Variants in MACO1 observed in about 807,000 individuals in gnomAD.
The protein encoded by MACO1 is macoilin 1.
MACO1 carries 14 observed loss-of-function variants against 78.7 expected under a neutral mutation model. The observed-to-expected ratio is 0.18, with a 90% CI of 0.12 to 0.28. MACO1 has a LOEUF of 0.28. Among genes scored for constraint, MACO1 ranks in the 10% least tolerant of loss-of-function variants. MACO1 has a pLI of 1.00. For missense variants in MACO1, 501 were observed against 799.0 expected (o/e 0.63, Z 4.50); for synonymous variants, 288 against 291.6 (o/e 0.99, Z 0.12).
At chr1:25,491,874 G>C (rs148961256) in intron 10 of MACO1, among the ~76,000 whole-genome samples, 2 of 152,212 alleles carry the variant, frequency 1.3e-5, no homozygotes. Context: ...GCATCAAAAG[G>C]TGCTTAGGTA....
intron 1 of MACO1, among the ~76,000 whole-genome samples, chr1:25,435,877 A>C (rs1395361628): frequency 6.6e-6 from 1 of 152,196 alleles, no homozygotes; most frequent in Non-Finnish European, 1.5e-5. Context: ...AAAATCGGCC[A>C]CACTGGGATG....
chr1:25,435,731 G>T (rs890214990), intron 1 of MACO1, among the ~76,000 whole-genome samples: 12 of 152,212 alleles, frequency 7.9e-5, no homozygotes, highest in African/African-American at 2.9e-4. Flanking sequence ...CCTGGACCTG[G>T]CACGAAAGTG....
chr1:25,456,894 A>G (rs1392501218), intron 5 of MACO1, 63 bp downstream of exon 5: 2 of 1,504,302 alleles, frequency 1.3e-6, no homozygotes, highest in South Asian at 1.4e-5. Flanking sequence ...TCTTGGTAGA[A>G]TTTTCTTTTC....
chr1:25,458,408 G>C lies in MACO1; in HGVS notation c.670G>C (p.Asp224His). The C allele has an allele frequency of 1.3e-6, 2 of 1,595,088 alleles. No individual in the cohort carries two copies. Among genetic ancestry groups the C allele is most frequent in the Non-Finnish European group, 1.7e-6 (2 of 1,174,412 alleles). ...TATTGTAGCAGCCAAAGGATTACCT[G>C]ATATGGATTCTTCGATCCTTATACA... The part of the protein sequence containing the change: ...EAEEAAKGLP[D>H]MDSSILIHHN... The change falls in exon 6 of 11, where the codon GAT (aspartate) becomes CAT (histidine). Residue 224 changes from aspartate (D) to histidine (H), a missense_variant. This residue lies in a region of MACO1 where 171 missense variants were observed against 292.1 expected (regional missense o/e 0.59). Coordinates refer to ENST00000374343, the MANE Select transcript of MACO1 (RefSeq NM_018202.6).
chr1:25,447,476 T>G (rs1316278170), intron 2 of MACO1, among the ~76,000 whole-genome samples: 1 of 152,228 alleles, frequency 6.6e-6, no homozygotes, highest in African/African-American at 2.4e-5. Context: ...AATAAGCCCA[T>G]TACACGTTAA....
At chr1:25,438,066 T>C (rs2042935248) in intron 1 of MACO1, among the ~76,000 whole-genome samples, 1 of 152,166 alleles carries the variant, frequency 6.6e-6, no homozygotes, top group South Asian at 2.1e-4. Flanking sequence ...CACGGTTTTG[T>C]AGTATAACAT....
At position 25,458,513 on chromosome 1, in the gene MACO1, A is replaced by G. The variant is rs757580835; in HGVS notation, c.775A>G (p.Lys259Glu). The change falls in exon 6 of 11, where the codon AAG (lysine) becomes GAG (glutamate). Residue 259 changes from lysine (K) to glutamate (E), a missense_variant. By Grantham distance (56) the Lys-to-Glu change is moderately conservative. Transcript: ENST00000374343. ...EIEYREKGKE[K>E]DKDAKKHNLG... is the part of the protein sequence containing the mutation. ...AGAATACCGAGAAAAAGGGAAAGAA[A>G]AGGACAAGGATGCCAAAAAACACAA... 6.2e-7 allele frequency: 1 copy of G among 1,614,142 alleles called. No individual in the cohort carries two copies. The highest frequency in any genetic ancestry group is 1.1e-5 in the South Asian group (1 of 91,084).
At chr1:25,461,023 A>G (rs185858635) in intron 6 of MACO1, among the ~76,000 whole-genome samples, 34 of 152,224 alleles carry the variant, frequency 2.2e-4, no homozygotes, top group African/African-American at 7.0e-4. Context: ...ATGGAATACT[A>G]TGCAGCCATA....
chr1:25,446,933 G>A (rs2043020214), intron 2 of MACO1, 30 bp downstream of exon 2: 2 of 1,602,072 alleles, frequency 1.2e-6, no homozygotes, highest in Non-Finnish European at 1.7e-6. Context: ...TTTTCCATGT[G>A]TGGGGACCAT....
At chr1:25,488,876 G>A (rs1007473120) in intron 8 of MACO1, among the ~76,000 whole-genome samples, 4 of 152,056 alleles carry the variant, frequency 2.6e-5, no homozygotes, top group Non-Finnish European at 5.9e-5. Context: ...GGAGTGCAGT[G>A]GCACGATCTG....
chr1:25,450,069 A>G (rs111836774), intron 3 of MACO1, among the ~76,000 whole-genome samples: 5 of 152,288 alleles, frequency 3.3e-5, no homozygotes, highest in African/African-American at 1.2e-4. Flanking sequence ...TAAGGGCCCT[A>G]CCAGACCATC....
intron 2 of MACO1, among the ~76,000 whole-genome samples, chr1:25,448,163 T>G (rs2124577441): frequency 6.6e-6 from 1 of 152,122 alleles, no homozygotes; most frequent in South Asian, 2.1e-4. Flanking sequence ...TTTTCTGTAT[T>G]AAAATTCTAG....
intron 6 of MACO1, among the ~76,000 whole-genome samples, chr1:25,464,165 A>C (rs1311859101): frequency 6.6e-6 from 1 of 151,124 alleles, no homozygotes; most frequent in African/African-American, 2.4e-5. Flanking sequence ...ATCCATCCCT[A>C]CCCTCCCCTG....
At position 25,448,903 on chromosome 1, in the gene MACO1, A is replaced by G. The variant is rs371943670; in HGVS notation, c.318A>G (p.Thr106=). ...AGTGGCTTTTTTTTGCTGCTAGCAC[A>G]TATGTATGGGTTCAGTACGTATGGC... The part of the protein sequence containing the change: ...PIQWLFFAAS[T]YVWVQYVWHT... The change falls in exon 3 of 11, where the codon ACA becomes ACG. Residue 106 remains threonine, a synonymous_variant. Transcript: ENST00000374343. The G allele has an allele frequency of 8.8e-5, 136 of 1,543,738 alleles. No individual in the cohort carries two copies. The highest frequency in any genetic ancestry group is 1.2e-4 in the Non-Finnish European group (135 of 1,131,748).
chr1:25,454,468 G>GTATATATATATATA lies in MACO1; in HGVS notation c.473+87_473+88insATATATATATATAT, dbSNP rs1331624529. The GTATATATATATATA allele has an allele frequency of 2.0e-3, 306 of 152,930 alleles. 1 individual carries two copies. Among genetic ancestry groups the GTATATATATATATA allele is most frequent in the South Asian group, 0.012 (25 of 2,142 alleles). The allele number at this position is 152,930 out of a possible 1,614,324, so 9.5% of individuals were successfully genotyped here. On this transcript the variant is annotated intron_variant, in intron 4 of 10. Coordinates refer to ENST00000374343, the MANE Select transcript of MACO1 (RefSeq NM_018202.6). ...TGTGTGTGTGTGTGTGTGTGTGTGT[G>GTATATATATATATA]TGTATATATATATATATATATTTTT...
At chr1:25,477,559 CA>C (rs2043333136) in intron 6 of MACO1, among the ~76,000 whole-genome samples, 1 of 152,190 alleles carries the variant, frequency 6.6e-6, no homozygotes, top group Admixed American at 6.5e-5. Flanking sequence ...TCATGGGGTC[CA>C]ACCTGCAGCC....
intron 1 of MACO1, among the ~76,000 whole-genome samples, chr1:25,443,938 C>CTT (rs372000457): frequency 1.4e-5 from 2 of 143,954 alleles, no homozygotes; most frequent in South Asian, 2.2e-4. Flanking sequence ...TTTCCATGCC[C>CTT]TTTTTTTTTT....
In MACO1 at chr1:25,493,200, T is replaced by G. The variant is rs566158092; in HGVS notation, c.1792+1616T>G. Among the ~76,000 whole-genome samples the G allele has an allele frequency of 1.0e-3, 155 of 152,300 alleles. 2 individuals carry two copies. The highest frequency in any genetic ancestry group is 3.0e-3 in the African/African-American group (125 of 41,562). ...AGAGGTTTATTTCAAGTGGATTATA[T>G]CTATCAATATTTACCTACTAGAAAT... On this transcript the variant is annotated intron_variant, in intron 10 of 10. Coordinates refer to ENST00000374343, the MANE Select transcript of MACO1 (RefSeq NM_018202.6).
In MACO1 at chr1:25,431,198, C is replaced by G; in HGVS notation, c.80+20C>G. Reference sequence around the variant, plus strand: ...CGGCAGGTGAGCGGCTGCACCCCCACTCCGCGGGCGCGGGCCCTGCGGTCC... The same window carrying G: ...CGGCAGGTGAGCGGCTGCACCCCCAGTCCGCGGGCGCGGGCCCTGCGGTCC... On this transcript the variant is annotated intron_variant, in intron 1 of 10. Transcript: ENST00000374343. 2 of 1,576,358 alleles carry G rather than the reference C, an allele frequency of 1.3e-6. No homozygotes were observed. Among genetic ancestry groups the G allele is most frequent in the Non-Finnish European group, 1.7e-6 (2 of 1,165,424 alleles).
Sources: allele counts gnomAD v4.1 joint callset (sites outside exome capture counted in the v4.1 genomes callset), GRCh38; gene constraint gnomAD v4.1.1; regional missense constraint gnomAD v4.1.1; transcripts MANE v1.5; gene names NCBI Gene and HGNC (gene_info 2026-07-23, HGNC 2026-07-21).